MOSMO: variants seen among roughly 807,000 people sequenced by gnomAD.
MOSMO encodes the protein modulator of smoothened.
MOSMO carries 5 observed loss-of-function variants against 18.4 expected under a neutral mutation model. The observed-to-expected ratio is 0.27, with a 90% confidence interval of 0.14 to 0.57. The LOEUF (loss-of-function observed/expected upper bound fraction) is 0.57, where lower values mean the gene tolerates loss of function less well. Ranked by LOEUF, MOSMO falls within the 20% of genes least tolerant of loss-of-function variation. The pLI, the probability that MOSMO is intolerant of heterozygous loss-of-function variation, is 0.92. For missense variants in MOSMO, 138 were observed against 211.8 expected (o/e 0.65, Z 2.16); for synonymous variants, 82 against 82.3 (o/e 1.00, Z 0.02).
At chr16:22,075,364 G>A (rs969008712) in intron 1 of MOSMO, 123 bp from the exon 2 acceptor site, 10 of 748,102 alleles carry the variant, frequency 1.3e-5, no homozygotes, top group Admixed American at 1.2e-4. Context: ...GTAGGACTTA[G>A]GATGTGCTTG....
intron 1 of MOSMO, among the ~76,000 whole-genome samples, chr16:22,061,218 C>T (rs1000441077): frequency 1.6e-4 from 24 of 152,128 alleles, no homozygotes; most frequent in African/African-American, 5.8e-4. Context: ...GAAATGGCTA[C>T]ATATATTTGT....
chr16:22,025,374 A>G (rs1899855416), intron 1 of MOSMO, among the ~76,000 whole-genome samples: 1 of 152,178 alleles, frequency 6.6e-6, no homozygotes, highest in African/African-American at 2.4e-5. Context: ...TAAATACTTT[A>G]TTGTAATAAA....
chr16:22,032,907 A>T (rs1030097568), intron 1 of MOSMO, among the ~76,000 whole-genome samples: 43 of 152,176 alleles, frequency 2.8e-4, no homozygotes, highest in African/African-American at 1.0e-3. Flanking sequence ...GCATGTGAAT[A>T]TCCAATTGTC....
downstream of MOSMO, chr16:22,089,937 C>T (rs1272211995): frequency 6.6e-6 from 1 of 151,656 alleles, no homozygotes; most frequent in African/African-American, 2.4e-5. Flanking sequence ...TTTGGCTTTC[C>T]TGAGAGGCAT....
intron 1 of MOSMO, among the ~76,000 whole-genome samples, chr16:22,019,503 T>C (rs1845116126): frequency 6.6e-6 from 1 of 152,182 alleles, no homozygotes; most frequent in Non-Finnish European, 1.5e-5. Flanking sequence ...CATGGTTATT[T>C]GTGTGGTACT....
intron 1 of MOSMO, among the ~76,000 whole-genome samples, chr16:22,061,139 G>C (rs1598018960): frequency 6.6e-6 from 1 of 151,972 alleles, no homozygotes; most frequent in African/African-American, 2.4e-5. Flanking sequence ...TGGGAGCTTG[G>C]GGGAGGAGGC....
intron 1 of MOSMO, among the ~76,000 whole-genome samples, chr16:22,037,755 A>T (rs1040341641): frequency 2.0e-5 from 3 of 152,172 alleles, no homozygotes; most frequent in Non-Finnish European, 4.4e-5. Context: ...AAGAATACAG[A>T]TGAAGAGATG....
intron 1 of MOSMO, among the ~76,000 whole-genome samples, chr16:22,073,242 A>G (rs1202666027): frequency 6.6e-6 from 1 of 152,188 alleles, no homozygotes; most frequent in Non-Finnish European, 1.5e-5. Context: ...AAAAAATCAA[A>G]TGTAAATCTA....
chr16:22,019,088 A>G (rs924404816), intron 1 of MOSMO, among the ~76,000 whole-genome samples: 2 of 152,202 alleles, frequency 1.3e-5, no homozygotes, highest in African/African-American at 4.8e-5. Flanking sequence ...CAGAGAAGTC[A>G]CTTGCCTAAT....
chr16:22,020,074 G>C (rs934887687), intron 1 of MOSMO, among the ~76,000 whole-genome samples: 5 of 151,128 alleles, frequency 3.3e-5, no homozygotes, highest in African/African-American at 7.3e-5. Context: ...TTAGCCAGGC[G>C]TGGTGGCACA....
chr16:22,078,113 A>G (rs1484159546), intron 2 of MOSMO, among the ~76,000 whole-genome samples: 2 of 151,902 alleles, frequency 1.3e-5, no homozygotes, highest in Non-Finnish European at 2.9e-5. Flanking sequence ...CCTGTTCTTC[A>G]AGTTTGGCCC....
downstream of MOSMO, chr16:22,085,295 G>C (rs1400747344): frequency 6.6e-6 from 1 of 152,088 alleles, no homozygotes; most frequent in Admixed American, 6.5e-5. Flanking sequence ...AGATGTTCTT[G>C]GGTTCTAAGA....
intron 1 of MOSMO, among the ~76,000 whole-genome samples, chr16:22,067,025 C>T (rs956916094): frequency 2.0e-5 from 3 of 152,084 alleles, no homozygotes; most frequent in African/African-American, 7.2e-5. Flanking sequence ...AAAACAGTGG[C>T]TTACCACATA....
chr16:22,075,434 T>C lies in MOSMO; in HGVS notation c.107-53T>C. 3 of 1,270,578 alleles carry C rather than the reference T, an allele frequency of 2.4e-6. No homozygotes were observed. In the South Asian group the frequency reaches 4.7e-5, roughly 20 times the overall value. 78.7% of individuals were successfully genotyped at this position (1,270,578 alleles called of 1,614,324 possible). On this transcript the variant is annotated intron_variant, in intron 1 of 2. Transcript: ENST00000542527. ...CTAAAGGGGTGGTGGTGAGGAATAT[T>C]CCCTGGACAGGCCAAACCCACTAAA...
chr16:22,066,397 A>G (rs1900749147), intron 1 of MOSMO, among the ~76,000 whole-genome samples: 1 of 152,140 alleles, frequency 6.6e-6, no homozygotes, highest in African/African-American at 2.4e-5. Flanking sequence ...GTCTTTGAAA[A>G]GCTCCAACTT....
intron 1 of MOSMO, among the ~76,000 whole-genome samples, chr16:22,037,155 A>G (rs1054778739): frequency 6.6e-5 from 10 of 152,166 alleles, no homozygotes; most frequent in African/African-American, 2.4e-4. Context: ...CTATAGTCCT[A>G]GCTACTGGAA....
intron 1 of MOSMO, among the ~76,000 whole-genome samples, chr16:22,045,666 G>A (rs1290010427): frequency 6.6e-6 from 1 of 152,152 alleles, no homozygotes; most frequent in Non-Finnish European, 1.5e-5. Context: ...TCAACTGTAA[G>A]TATAATTAAT....
At chr16:22,008,492 G>T (rs1438805450) in intron 1 of MOSMO, 85 bp downstream of exon 1, 2 of 877,664 alleles carry the variant, frequency 2.3e-6, no homozygotes, top group Non-Finnish European at 3.2e-6. Flanking sequence ...GAGAGGACGG[G>T]GTGGAGGGTC....
intron 1 of MOSMO, among the ~76,000 whole-genome samples, chr16:22,073,981 C>T (rs981504152): frequency 6.6e-6 from 1 of 152,172 alleles, no homozygotes; most frequent in African/African-American, 2.4e-5. Flanking sequence ...AGGACTCAAA[C>T]TCAACTTTGA....
Sources: gnomAD v4.1 joint callset for allele counts (sites outside exome capture counted in the v4.1 genomes callset) on GRCh38, gnomAD v4.1.1 for gene constraint, MANE v1.5 for transcripts, NCBI Gene and HGNC (gene_info 2026-07-23, HGNC 2026-07-21) for gene names.